NPHP1: variants seen among roughly 807,000 people sequenced by gnomAD.
The protein encoded by NPHP1 is nephrocystin 1.
Under a neutral mutation model 90.4 loss-of-function variants are expected in NPHP1, and 70 were observed. The ratio of observed to expected loss-of-function variants is 0.77; its 90% CI spans 0.64 to 0.95. The LOEUF (loss-of-function observed/expected upper bound fraction) is 0.95. Among genes scored for constraint, NPHP1 ranks in the 40% least tolerant of loss-of-function variants. The pLI is 0.00. For synonymous variants in NPHP1, 256 were observed against 271.7 expected, an observed-to-expected ratio of 0.94 and a Z score of 0.57; for missense variants, 764 against 795.9, an observed-to-expected ratio of 0.96 and a Z score of 0.48.
At chr2:110,180,335 G>A (rs1242646922) in intron 2 of NPHP1, among the ~76,000 whole-genome samples, 1 of 151,486 alleles carries the variant, frequency 6.6e-6, no homozygotes. Context: ...ATACCCAAAT[G>A]AGAAGTACAA....
chr2:110,132,342 TTACTAA>T (rs1679847993), intron 16 of NPHP1, among the ~76,000 whole-genome samples: 1 of 152,164 alleles, frequency 6.6e-6, no homozygotes, highest in African/African-American at 2.4e-5. Flanking sequence ...TTTCAGAAGG[TTACTAA>T]AAGGATTAAA....
intron 2 of NPHP1, among the ~76,000 whole-genome samples, chr2:110,191,528 G>A (rs1043202844): frequency 6.6e-6 from 1 of 152,208 alleles, no homozygotes; most frequent in African/African-American, 2.4e-5. Context: ...ACTGGGTGGA[G>A]CCCACCGCAG....
At chr2:110,147,301 AC>A (rs751181720) in intron 13 of NPHP1, among the ~76,000 whole-genome samples, 22 of 151,420 alleles carry the variant, frequency 1.5e-4, no homozygotes, top group Non-Finnish European at 2.8e-4. Context: ...CCCCAGTCCT[AC>A]CCCCTCCACA....
At position 110,123,824 on chromosome 2, in the gene NPHP1, G is replaced by A; in HGVS notation, c.2001C>T (p.Asp667=). 1.2e-6 allele frequency: 2 copies of A among 1,614,120 alleles called. No individual in the cohort carries two copies. Among genetic ancestry groups the A allele is most frequent in the Non-Finnish European group, 1.7e-6 (2 of 1,180,002 alleles). The change falls in exon 20 of 20, where the codon GAC becomes GAT. Residue 667 remains aspartate, a synonymous_variant. Coordinates refer to ENST00000445609, the MANE Select transcript of NPHP1 (RefSeq NM_001128178.3). Reference sequence around the variant, plus strand: ...CATTCTTTCTCATTTCACCCAAGAAGTCATAGGTCTGCTCTGAAAGGTCAA... The same window carrying A: ...CATTCTTTCTCATTTCACCCAAGAAATCATAGGTCTGCTCTGAAAGGTCAA... ...EPFDLSEQTY[D]FLGEMRKNAV is the part of the protein sequence containing the mutation.
intron 18 of NPHP1, chr2:110,125,983 C>G: frequency 2.4e-6 from 1 of 421,078 alleles, no homozygotes; most frequent in Non-Finnish European, 4.4e-6. Context: ...ACCACAGCAC[C>G]TGAATAATAA....
At chr2:110,184,946 CA>C (rs1365253981) in intron 2 of NPHP1, 3 of 672,064 alleles carry the variant, frequency 4.5e-6, no homozygotes, top group East Asian at 3.5e-5. Flanking sequence ...CATGGACCTG[CA>C]GTTCACACTT....
At chr2:110,158,993 T>C (rs912388409) in intron 11 of NPHP1, among the ~76,000 whole-genome samples, 2 of 152,126 alleles carry the variant, frequency 1.3e-5, no homozygotes, top group African/African-American at 2.4e-5. Context: ...TAAATGGGTG[T>C]TGAAATTTGT....
At chr2:110,167,757 A>T (rs570422572) in intron 6 of NPHP1, among the ~76,000 whole-genome samples, 1 of 152,220 alleles carries the variant, frequency 6.6e-6, no homozygotes, top group African/African-American at 2.4e-5. Flanking sequence ...GTGAGCAGCA[A>T]TCTTGTGGGA....
chr2:110,148,152 C>G (rs948508225), intron 12 of NPHP1, 126 bp from the exon 13 acceptor site: 14 of 730,334 alleles, frequency 1.9e-5, no homozygotes, highest in Non-Finnish European at 3.5e-5. Context: ...GAAGGTGAGG[C>G]CTGGTGGGAG....
intron 1 of NPHP1, among the ~76,000 whole-genome samples, chr2:110,204,379 C>T (rs930415754): frequency 2.0e-5 from 3 of 152,176 alleles, no homozygotes; most frequent in African/African-American, 7.2e-5. Context: ...CTCTCGTTCA[C>T]CTCCTTTGCT....
intron 6 of NPHP1, among the ~76,000 whole-genome samples, chr2:110,167,945 C>T (rs1293494253): frequency 1.3e-5 from 2 of 152,124 alleles, no homozygotes; most frequent in African/African-American, 2.4e-5. Flanking sequence ...CTCAGTGTGG[C>T]TACTGAAAAA....
chr2:110,147,376 C>T (rs1304015616), intron 13 of NPHP1, among the ~76,000 whole-genome samples: 1 of 152,060 alleles, frequency 6.6e-6, no homozygotes. Flanking sequence ...AATGTAACAT[C>T]TCTGTAACGC....
intron 4 of NPHP1, among the ~76,000 whole-genome samples, chr2:110,173,180 T>C (rs992612847): frequency 6.6e-6 from 1 of 151,978 alleles, no homozygotes; most frequent in Non-Finnish European, 1.5e-5. Flanking sequence ...ATGGTCTCTA[T>C]CTCTTGACCT....
rs549459303 is a variant in NPHP1 at position 110,168,240 on chromosome 2, C to T, written c.624+212G>A. ...AAAGCATCCCCTCATTGTGAGATCACGTTCCAGGGCTCACATGCGTAAGAG... is the reference window on the plus strand; with the variant it reads ...AAAGCATCCCCTCATTGTGAGATCATGTTCCAGGGCTCACATGCGTAAGAG... On this transcript the variant is annotated intron_variant, in intron 6 of 19. Transcript: ENST00000445609. Among the ~76,000 whole-genome samples, 8 of 152,286 alleles carry T rather than the reference C, an allele frequency of 5.3e-5. No homozygotes were observed. In the East Asian group the frequency reaches 1.5e-3, roughly 29 times the overall value.
chr2:110,184,454 T>A, intron 2 of NPHP1: 1 of 726,732 alleles, frequency 1.4e-6, no homozygotes. Flanking sequence ...AGAGCTTCAA[T>A]GTGCCTGCTA....
chr2:110,203,874 T>C (rs1029683180), intron 1 of NPHP1, among the ~76,000 whole-genome samples: 1 of 151,688 alleles, frequency 6.6e-6, no homozygotes, highest in Non-Finnish European at 1.5e-5. Flanking sequence ...GCTCAGGTGA[T>C]CCTCCTGTCT....
intron 2 of NPHP1, among the ~76,000 whole-genome samples, chr2:110,191,056 G>A (rs747564969): frequency 6.6e-5 from 10 of 152,082 alleles, no homozygotes; most frequent in East Asian, 1.9e-4. Flanking sequence ...GGCCAAATAC[G>A]AACAACTCCA....
intron 2 of NPHP1, among the ~76,000 whole-genome samples, chr2:110,198,824 C>T (rs1463743167): frequency 6.6e-6 from 1 of 152,016 alleles, no homozygotes; most frequent in East Asian, 1.9e-4. Flanking sequence ...TAGAAAAGCC[C>T]ATGAGAGCTC....
At chr2:110,194,811 G>T (rs1559105451) in intron 2 of NPHP1, among the ~76,000 whole-genome samples, 1 of 152,102 alleles carries the variant, frequency 6.6e-6, no homozygotes, top group Non-Finnish European at 1.5e-5. Flanking sequence ...TATCCACCAT[G>T]ATCAAGTGGG....
Sources: allele counts gnomAD v4.1 joint callset (sites outside exome capture counted in the v4.1 genomes callset), GRCh38; gene constraint gnomAD v4.1.1; transcripts MANE v1.5; gene names NCBI Gene and HGNC (gene_info 2026-07-23, HGNC 2026-07-21).